Variants in AXIN1 observed in about 807,000 individuals in gnomAD.
The protein encoded by AXIN1 is axin-1.
Under a neutral mutation model 76.4 loss-of-function variants are expected in AXIN1, and 30 were observed. That is an observed-to-expected ratio of 0.39 (90% CI 0.29 to 0.53). AXIN1 has a LOEUF of 0.53. AXIN1 is among the 20% of genes least tolerant of loss of function. AXIN1 has a pLI of 0.66. For synonymous variants in AXIN1, 545 were observed against 501.4 expected (o/e 1.09, Z -1.16); for missense variants, 1,140 against 1,198.8 (o/e 0.95, Z 0.72).
rs1456907312 is a variant in AXIN1 at position 304,357 on chromosome 16, G to A, written c.1201C>T (p.Arg401Cys). ...AGCTTCTCCTCGGCCTCCCGCGTGC[G>A]CTGCACAGCCTCCAGGCGGTGGATG... is the stretch of plus-strand genomic sequence containing the variant. Reference protein sequence around the residue: ...ELIHRLEAVQRTREAEEKLEE... With the variant: ...ELIHRLEAVQCTREAEEKLEE... Residue 401 changes from arginine to cysteine, a missense_variant, in exon 5 of 11, where the codon CGC becomes TGC. By Grantham distance (180) the Arg-to-Cys change is radical. This residue lies in a region of AXIN1 where 708 missense variants were observed against 776.9 expected (regional missense o/e 0.91). Coordinates refer to ENST00000262320, the MANE Select transcript of AXIN1 (RefSeq NM_003502.4). The A allele has an allele frequency of 4.3e-6, 7 of 1,612,558 alleles. No homozygotes were observed. The highest frequency in any genetic ancestry group is 3.3e-5 in the South Asian group (3 of 91,080).
At chr16:330,369 C>G (rs1173270520) in intron 2 of AXIN1, among the ~76,000 whole-genome samples, 3 of 152,156 alleles carry the variant, frequency 2.0e-5, no homozygotes, top group Non-Finnish European at 4.4e-5. Context: ...CGCTACCAAA[C>G]GTCTTTCATA....
chr16:347,006 C>A lies in AXIN1; in HGVS notation c.20G>T (p.Gly7Val), dbSNP rs766339001. The change falls in exon 2 of 11, where the codon GGT (glycine) becomes GTT (valine). Residue 7 changes from glycine (G) to valine (V), a missense_variant. Around this residue, in one of 3 missense-constraint regions of AXIN1, gnomAD observed 708 missense variants for 776.9 expected, o/e 0.91. Transcript: ENST00000262320. Reference protein sequence around the residue: MNIQEQGFPLDLGASFT... With the variant: MNIQEQVFPLDLGASFT... ...ACTTGCTCCGAGGTCCAAGGGGAAA[C>A]CCTGCTCTTGGATATTCATTTTGGG... The A allele has an allele frequency of 1.2e-6, 2 of 1,614,082 alleles. No homozygotes were observed. Among genetic ancestry groups the A allele is most frequent in the African/African-American group, 1.3e-5 (1 of 74,934 alleles).
chr16:307,662 C>T (rs900963278), intron 4 of AXIN1, among the ~76,000 whole-genome samples: 1 of 152,348 alleles, frequency 6.6e-6, no homozygotes. Flanking sequence ...TCCGTGGGTG[C>T]AGCCACAACA....
intron 2 of AXIN1, among the ~76,000 whole-genome samples, chr16:339,590 G>T (rs563203700): frequency 2.0e-5 from 3 of 151,832 alleles, no homozygotes; most frequent in Non-Finnish European, 4.4e-5. Context: ...GTTGGGGCAG[G>T]AGAACTGCTT....
At chr16:296,962 G>A (rs1408887409) in intron 7 of AXIN1, 94 bp downstream of exon 7, 21 of 1,457,032 alleles carry the variant, frequency 1.4e-5, no homozygotes, top group Non-Finnish European at 2.0e-5. Flanking sequence ...GGCGACACTC[G>A]CCACACACAC....
chr16:289,357 G>A, intron 10 of AXIN1, 83 bp downstream of exon 10: 1 of 1,563,216 alleles, frequency 6.4e-7, no homozygotes, highest in Admixed American at 1.7e-5. Context: ...GAGCCACTGT[G>A]CCCGGCTGGA....
chr16:293,860 G>A lies in AXIN1; in HGVS notation c.1956-142C>T, dbSNP rs1024601614. On this transcript the variant is annotated intron_variant, in intron 7 of 10. Coordinates refer to ENST00000262320, the MANE Select transcript of AXIN1 (RefSeq NM_003502.4). The surrounding 1 kb of genome is among the most constrained non-coding windows in gnomAD (Gnocchi z 4.6). Reference sequence around the variant, plus strand: ...CTGGGGCCTGGCCACCAAGCCACATGGACGTCCTCCACAGACCACACAATA... The same window carrying A: ...CTGGGGCCTGGCCACCAAGCCACATAGACGTCCTCCACAGACCACACAATA... The A allele has an allele frequency of 2.9e-5, 23 of 800,522 alleles. No homozygotes were observed. Among genetic ancestry groups the A allele is most frequent in the Non-Finnish European group, 4.9e-5 (23 of 467,062 alleles). The allele number at this position is 800,522 out of a possible 1,614,324, so 49.6% of individuals were successfully genotyped here. A position where few individuals can be genotyped will look rare whatever the true frequency, so the allele number is the denominator to read the frequency against.
Position 289,831 on chromosome 16 carries a change from C to T in AXIN1, c.2295-224G>A, listed in dbSNP as rs1045963503. The T allele has an allele frequency of 2.4e-5, 15 of 621,966 alleles. No individual in the cohort carries two copies. In the Admixed American group the frequency reaches 3.7e-4, roughly 15 times the overall value. 38.5% of individuals were successfully genotyped at this position (621,966 alleles called of 1,614,324 possible). On this transcript the variant is annotated intron_variant, in intron 9 of 10. Coordinates refer to ENST00000262320, the MANE Select transcript of AXIN1 (RefSeq NM_003502.4). ...GCTCACTGGGAGCACGAAGGTCTCCCTGCTGCCTCACAGCCCCACCCTCGA... is the reference window on the plus strand; with the variant it reads ...GCTCACTGGGAGCACGAAGGTCTCCTTGCTGCCTCACAGCCCCACCCTCGA...
At chr16:306,968 T>C (rs1311932825) in intron 4 of AXIN1, among the ~76,000 whole-genome samples, 2 of 152,216 alleles carry the variant, frequency 1.3e-5, no homozygotes, top group Non-Finnish European at 2.9e-5. Context: ...CCTTTCCCGC[T>C]GCACCCGGGG....
intron 4 of AXIN1, among the ~76,000 whole-genome samples, chr16:304,986 A>C (rs2052980187): frequency 6.6e-6 from 1 of 152,084 alleles, no homozygotes; most frequent in Non-Finnish European, 1.5e-5. Flanking sequence ...TCTCCCGACT[A>C]CCAGATCAAG....
intron 2 of AXIN1, among the ~76,000 whole-genome samples, chr16:326,805 A>G (rs1481745728): frequency 6.6e-6 from 1 of 151,514 alleles, no homozygotes; most frequent in East Asian, 1.9e-4. Flanking sequence ...TACTTCCTCC[A>G]TAAAATCAGG....
chr16:334,753 C>A (rs1199338180), intron 2 of AXIN1, among the ~76,000 whole-genome samples: 4 of 151,762 alleles, frequency 2.6e-5, no homozygotes, highest in African/African-American at 9.7e-5. Flanking sequence ...CACCTAGTAC[C>A]ACAACACACT....
intron 2 of AXIN1, among the ~76,000 whole-genome samples, chr16:324,513 C>A (rs952773531): frequency 6.6e-6 from 1 of 152,182 alleles, no homozygotes; most frequent in Non-Finnish European, 1.5e-5. Context: ...CCCAGTGTCC[C>A]GCAGAGTTTG....
chr16:308,581 G>A (rs960866582), intron 4 of AXIN1, among the ~76,000 whole-genome samples: 15 of 152,252 alleles, frequency 9.9e-5, no homozygotes, highest in Admixed American at 2.0e-4. Flanking sequence ...TCGGGCCTCC[G>A]TCATCCCAGC....
chr16:333,919 A>G (rs2053745460), intron 2 of AXIN1, among the ~76,000 whole-genome samples: 1 of 151,388 alleles, frequency 6.6e-6, no homozygotes, highest in Non-Finnish European at 1.5e-5. Context: ...CATGCCCATA[A>G]CACAGCACCC....
intron 2 of AXIN1, among the ~76,000 whole-genome samples, chr16:344,479 T>G (rs35409160): frequency 0.21 from 31,250 of 149,438 alleles, 3,594 homozygotes; most frequent in South Asian, 0.3. Flanking sequence ...CTTTTTTGTT[T>G]TTTTTTTGTT....
intron 2 of AXIN1, among the ~76,000 whole-genome samples, chr16:332,773 T>C (rs2053721617): frequency 6.6e-6 from 1 of 150,536 alleles, no homozygotes. Flanking sequence ...ATGCAAAATA[T>C]ATGAAAGATT....
At chr16:316,730 C>T (rs2053311252) in intron 2 of AXIN1, among the ~76,000 whole-genome samples, 1 of 152,158 alleles carries the variant, frequency 6.6e-6, no homozygotes, top group Non-Finnish European at 1.5e-5. Flanking sequence ...GGGGGTTTAT[C>T]ACAGTGCACC....
intron 2 of AXIN1, among the ~76,000 whole-genome samples, chr16:320,201 C>T (rs757693432): frequency 6.6e-6 from 1 of 152,166 alleles, no homozygotes; most frequent in Non-Finnish European, 1.5e-5. Flanking sequence ...CGCACACTAC[C>T]ACTCCTGGCT....
Sources: gnomAD v4.1 joint callset for allele counts (sites outside exome capture counted in the v4.1 genomes callset) on GRCh38, gnomAD v4.1.1 for gene constraint, gnomAD v4.1.1 regional missense constraint, Gnocchi (gnomAD v3.1) non-coding constraint, MANE v1.5 for transcripts, NCBI Gene and HGNC (gene_info 2026-07-23, HGNC 2026-07-21) for gene names.